The following RACGAP1 variants were observed in gnomAD, a reference collection of about 807,000 sequenced individuals.
The protein encoded by RACGAP1 is Rac GTPase activating protein 1.
RACGAP1 carries 30 observed loss-of-function variants against 78.1 expected under a neutral mutation model. The observed-to-expected ratio is 0.38, with a 90% confidence interval of 0.29 to 0.52. RACGAP1 has a LOEUF of 0.52. RACGAP1 is among the 20% of genes least tolerant of loss of function. RACGAP1 has a pLI of 0.82. For synonymous variants in RACGAP1, 231 were observed against 264.8 expected, an observed-to-expected ratio of 0.87 and a Z score of 1.24; for missense variants, 587 against 777.1, an observed-to-expected ratio of 0.76 and a Z score of 2.91.
intron 1 of RACGAP1, among the ~76,000 whole-genome samples, chr12:50,019,198 C>T (rs1281618615): frequency 1.3e-5 from 2 of 152,208 alleles, no homozygotes; most frequent in African/African-American, 2.4e-5. Flanking sequence ...TTATCACTTG[C>T]AGGTTGTCAC....
intron 3 of RACGAP1, 97 bp downstream of exon 3, chr12:50,006,337 G>C: frequency 1.5e-6 from 2 of 1,343,822 alleles, no homozygotes; most frequent in South Asian, 2.4e-5. Flanking sequence ...CTTTAATGTG[G>C]AAGAAGAAAC....
chr12:50,025,421 G>C lies in RACGAP1; in HGVS notation c.-28C>G. 3 of 985,696 alleles carry C rather than the reference G, an allele frequency of 3.0e-6. No homozygotes were observed. Among genetic ancestry groups the C allele is most frequent in the Non-Finnish European group, 3.6e-6 (3 of 830,166 alleles). The allele number at this position is 985,696 out of a possible 1,614,324, so 61.1% of individuals were successfully genotyped here. A position where few individuals can be genotyped will look rare whatever the true frequency, so the allele number is the denominator to read the frequency against. The stretch of plus-strand genomic sequence containing the variant: ...ACTTCAGTCAGCCTGGCCCCACCTG[G>C]GCCACCCTTCACTTCGCTCCGCGCC... On this transcript the variant is annotated 5_prime_UTR_variant, in exon 1 of 17. Transcript: ENST00000312377.
intron 1 of RACGAP1, among the ~76,000 whole-genome samples, chr12:50,023,112 T>C (rs1386720032): frequency 6.6e-6 from 1 of 152,246 alleles, no homozygotes; most frequent in African/African-American, 2.4e-5. Context: ...ACCTGACATT[T>C]GGTAAATGAC....
chr12:50,023,382 T>A (rs956306112), intron 1 of RACGAP1, among the ~76,000 whole-genome samples: 4 of 152,224 alleles, frequency 2.6e-5, no homozygotes, highest in African/African-American at 7.2e-5. Flanking sequence ...GCACATTCTT[T>A]AAGACCAAAT....
intron 10 of RACGAP1, among the ~76,000 whole-genome samples, chr12:49,996,643 AAAAAAAAAAAAAAAAAAAAAAAAAAT>A (rs1349053399): frequency 4.0e-4 from 54 of 136,606 alleles, no homozygotes; most frequent in African/African-American, 1.5e-3. Context: ...AAAAAAAAAA[AAAAAAAAAAAAAAAAAAAAAAAAAAT>A]GGACACAAGT....
chr12:50,016,385 AAAAT>A (rs1348501246), intron 2 of RACGAP1, among the ~76,000 whole-genome samples: 6 of 152,178 alleles, frequency 3.9e-5, no homozygotes, highest in Admixed American at 6.5e-5. Context: ...CCATCTCAAA[AAAAT>A]AAATAAATAA....
intron 2 of RACGAP1, among the ~76,000 whole-genome samples, chr12:50,011,607 G>C (rs955039617): frequency 1.3e-5 from 2 of 151,822 alleles, no homozygotes; most frequent in Non-Finnish European, 2.9e-5. Context: ...AGTAGTTTGG[G>C]AGACAAAATA....
At chr12:50,024,373 A>G (rs1177556114) in intron 1 of RACGAP1, among the ~76,000 whole-genome samples, 1 of 152,246 alleles carries the variant, frequency 6.6e-6, no homozygotes, top group African/African-American at 2.4e-5. Flanking sequence ...CAACATGGAT[A>G]GAACTGGAGG....
At chr12:49,995,530 T>C (rs1378122843) in intron 10 of RACGAP1, among the ~76,000 whole-genome samples, 1 of 152,050 alleles carries the variant, frequency 6.6e-6, no homozygotes, top group Non-Finnish European at 1.5e-5. Context: ...TCTTGCTCTA[T>C]TCCCCAGGCT....
chr12:50,015,441 G>A (rs1205294507), intron 2 of RACGAP1, among the ~76,000 whole-genome samples: 1 of 152,170 alleles, frequency 6.6e-6, no homozygotes, highest in Non-Finnish European at 1.5e-5. Flanking sequence ...AGGCAGAAGT[G>A]AGAGGACTGC....
At chr12:50,015,808 AAAAAAAAAATTAAAAAAATTT>A (rs754448501) in intron 2 of RACGAP1, among the ~76,000 whole-genome samples, 45 of 149,630 alleles carry the variant, frequency 3.0e-4, no homozygotes, top group Non-Finnish European at 4.9e-4. Flanking sequence ...TCTCAAAAAT[AAAAAAAAAATTAAAAAAATTT>A]AAAAAAAAAT....
intron 1 of RACGAP1, among the ~76,000 whole-genome samples, chr12:50,022,442 C>A (rs1015429325): frequency 6.6e-6 from 1 of 152,054 alleles, no homozygotes; most frequent in African/African-American, 2.4e-5. Context: ...ATTAGCCAGG[C>A]ATGACGGTGC....
At chr12:50,017,182 G>T in intron 1 of RACGAP1, 1 of 668,358 alleles carries the variant, frequency 1.5e-6, no homozygotes, top group South Asian at 6.6e-5. Context: ...CTTTTAAAAT[G>T]CAGGACATGG....
intron 1 of RACGAP1, among the ~76,000 whole-genome samples, chr12:50,032,423 T>C (rs1003128381): frequency 9.2e-5 from 14 of 152,292 alleles, no homozygotes; most frequent in South Asian, 6.2e-4. Context: ...GGGTTGGAGA[T>C]GCTGTCTCTC....
At chr12:49,999,343 A>C in intron 8 of RACGAP1, 72 bp from the exon 9 acceptor site, 1 of 1,523,532 alleles carries the variant, frequency 6.6e-7, no homozygotes, top group Non-Finnish European at 8.9e-7. Context: ...CTCCAATTTT[A>C]ACTGGGAGAT....
chr12:50,032,637 A>G (rs1950345936), intron 1 of RACGAP1, among the ~76,000 whole-genome samples: 1 of 151,834 alleles, frequency 6.6e-6, no homozygotes, highest in Non-Finnish European at 1.5e-5. Context: ...CAGAGTAGGG[A>G]GGGATCCTGG....
intron 6 of RACGAP1, among the ~76,000 whole-genome samples, chr12:50,002,021 C>T (rs921708503): frequency 1.3e-5 from 2 of 149,724 alleles, no homozygotes; most frequent in African/African-American, 2.5e-5. Flanking sequence ...GCCGAGATCG[C>T]GCCATTGCAC....
intron 1 of RACGAP1, among the ~76,000 whole-genome samples, chr12:50,021,985 T>A (rs1950033795): frequency 6.6e-6 from 1 of 152,190 alleles, no homozygotes; most frequent in Non-Finnish European, 1.5e-5. Flanking sequence ...TATAAGCAAA[T>A]CACTTGCAGA....
At position 49,997,180 on chromosome 12, in the gene RACGAP1, G is replaced by GA. The variant is rs1355611222; in HGVS notation, c.903dup (p.Pro302SerfsTer71). On this transcript the variant is annotated frameshift_variant, in exon 10 of 17. Coordinates refer to ENST00000312377, the MANE Select transcript of RACGAP1 (RefSeq NM_001319999.2). LOFTEE classifies it high-confidence loss of function. ...CCAAATTTTATCCGCTTTCCACATG[G>GA]AACACAGGATTCAGGTTTAATAACC... 6.2e-7 allele frequency: 1 copy of GA among 1,601,864 alleles called. No individual in the cohort carries two copies. Among genetic ancestry groups the GA allele is most frequent in the South Asian group, 1.1e-5 (1 of 90,154 alleles).
Sources: allele counts gnomAD v4.1 joint callset (sites outside exome capture counted in the v4.1 genomes callset), GRCh38; gene constraint gnomAD v4.1.1; transcripts MANE v1.5; gene names NCBI Gene and HGNC (gene_info 2026-07-23, HGNC 2026-07-21).